EXOC6B: variants seen among roughly 807,000 people sequenced by gnomAD.
The protein encoded by EXOC6B is exocyst complex component 6B.
A neutral mutation model predicts 113.5 loss-of-function variants in EXOC6B; 54 were observed. The ratio of observed to expected loss-of-function variants is 0.48; its 90% CI spans 0.38 to 0.60. EXOC6B has a LOEUF of 0.60. Among genes scored for constraint, EXOC6B ranks in the 20% least tolerant of loss-of-function variants. The pLI is 0.00. For missense variants in EXOC6B, 797 were observed against 977.5 expected, an observed-to-expected ratio of 0.82 and a Z score of 2.46; for synonymous variants, 357 against 339.0, an observed-to-expected ratio of 1.05 and a Z score of -0.58.
At chr2:72,675,999 C>T (rs1676276228) in intron 6 of EXOC6B, among the ~76,000 whole-genome samples, 1 of 151,914 alleles carries the variant, frequency 6.6e-6, no homozygotes, top group South Asian at 2.1e-4. Context: ...ACAGACACCC[C>T]TTCACTGACT....
intron 18 of EXOC6B, among the ~76,000 whole-genome samples, chr2:72,456,203 A>T (rs1697223036): frequency 6.6e-6 from 1 of 152,178 alleles, no homozygotes; most frequent in South Asian, 2.1e-4. Context: ...TGAAAACAAT[A>T]CTCTTTCTTA....
intron 19 of EXOC6B, among the ~76,000 whole-genome samples, chr2:72,367,698 G>A (rs371823654): frequency 2.6e-5 from 4 of 152,182 alleles, no homozygotes; most frequent in African/African-American, 9.7e-5. Flanking sequence ...CCTGGCAGTG[G>A]TTGAACGGCC....
intron 20 of EXOC6B, among the ~76,000 whole-genome samples, chr2:72,232,509 A>G (rs953613655): frequency 6.6e-6 from 1 of 152,216 alleles, no homozygotes; most frequent in African/African-American, 2.4e-5. Context: ...AAAGATAAAA[A>G]TACCAGATGT....
chr2:72,823,933 T>C (rs1297653480), intron 1 of EXOC6B, among the ~76,000 whole-genome samples: 1 of 152,190 alleles, frequency 6.6e-6, no homozygotes, highest in Non-Finnish European at 1.5e-5. Context: ...ATTTGAAGTA[T>C]ACAGGAAAAT....
At position 72,225,268 on chromosome 2, in the gene EXOC6B, A is replaced by C. The variant is rs113222802; in HGVS notation, c.2197-41081T>G. ...AAGAAAGTTTGAGAAATGGCAATAT[A>C]AATATCAATAACAAGTCTAACAACA... is the stretch of plus-strand genomic sequence containing the variant. On this transcript the variant is annotated intron_variant, in intron 20 of 21. Transcript: ENST00000272427. 3.3e-5 allele frequency among the ~76,000 whole-genome samples: 5 copies of C among 152,358 alleles called. 1 individual carries two copies. Among genetic ancestry groups the C allele is most frequent in the African/African-American group, 1.2e-4 (5 of 41,590 alleles).
chr2:72,717,806 C>T (rs1679722905), intron 6 of EXOC6B, among the ~76,000 whole-genome samples: 1 of 152,108 alleles, frequency 6.6e-6, no homozygotes, highest in South Asian at 2.1e-4. Flanking sequence ...TCTTAAGCTA[C>T]AAATTATATG....
chr2:72,691,160 G>T (rs1329229035), intron 6 of EXOC6B, among the ~76,000 whole-genome samples: 3 of 152,014 alleles, frequency 2.0e-5, no homozygotes, highest in East Asian at 3.9e-4. Context: ...CAAGGAAAAT[G>T]CTGTGTGATG....
chr2:72,657,567 C>CTTTTTTTTTTTTTTTTT lies in EXOC6B; in HGVS notation c.669+60519_669+60535dup, dbSNP rs70963136. The stretch of plus-strand genomic sequence containing the variant: ...TATTAGGTCTTTCCTCTTTCCTTTT[C>CTTTTTTTTTTTTTTTTT]TTTTTTTTTTTTTTTTTTTTTTTTT... On this transcript the variant is annotated intron_variant, in intron 6 of 21. Coordinates refer to ENST00000272427, the MANE Select transcript of EXOC6B (RefSeq NM_015189.3). Among the ~76,000 whole-genome samples the CTTTTTTTTTTTTTTTTT allele has an allele frequency of 1.2e-3, 60 of 50,378 alleles. 2 individuals are homozygous for CTTTTTTTTTTTTTTTTT. Among genetic ancestry groups the CTTTTTTTTTTTTTTTTT allele is most frequent in the African/African-American group, 2.2e-3 (23 of 10,460 alleles). The allele number at this position is 50,378 out of a possible 152,430, so 33.0% of individuals were successfully genotyped here.
intron 6 of EXOC6B, among the ~76,000 whole-genome samples, chr2:72,659,201 T>C (rs1275122501): frequency 2.0e-5 from 3 of 152,110 alleles, no homozygotes; most frequent in African/African-American, 7.2e-5. Flanking sequence ...CAGCCTAAAA[T>C]GAGATATTAT....
At chr2:72,770,031 C>A (rs1304063245) in intron 1 of EXOC6B, among the ~76,000 whole-genome samples, 1 of 151,954 alleles carries the variant, frequency 6.6e-6, no homozygotes, top group Non-Finnish European at 1.5e-5. Flanking sequence ...GTCTATAGAG[C>A]TAAAATTTGA....
At chr2:72,535,006 C>T (rs997022287) in intron 8 of EXOC6B, among the ~76,000 whole-genome samples, 1 of 152,128 alleles carries the variant, frequency 6.6e-6, no homozygotes, top group Admixed American at 6.5e-5. Flanking sequence ...TTTCAGGAAA[C>T]CTCCATCAAA....
chr2:72,434,810 G>T (rs748650706), intron 18 of EXOC6B, among the ~76,000 whole-genome samples: 1 of 151,792 alleles, frequency 6.6e-6, no homozygotes, highest in Non-Finnish European at 1.5e-5. Context: ...TTCTTTATTA[G>T]TCTGGCTAGC....
At chr2:72,485,712 A>G (rs1343238727) in intron 16 of EXOC6B, among the ~76,000 whole-genome samples, 1 of 152,222 alleles carries the variant, frequency 6.6e-6, no homozygotes, top group Non-Finnish European at 1.5e-5. Flanking sequence ...TTCTGTTAAC[A>G]AGAGAGAGGG....
intron 1 of EXOC6B, among the ~76,000 whole-genome samples, chr2:72,793,211 G>A (rs1272655373): frequency 1.4e-5 from 2 of 143,318 alleles, no homozygotes; most frequent in African/African-American, 5.2e-5. Context: ...TAGGGTAGTA[G>A]TCTTCAAACA....
At chr2:72,421,421 G>C (rs1161892906) in intron 18 of EXOC6B, among the ~76,000 whole-genome samples, 1 of 151,838 alleles carries the variant, frequency 6.6e-6, no homozygotes, top group African/African-American at 2.4e-5. Flanking sequence ...ATTCCTTTTT[G>C]TCACATTCTA....
chr2:72,629,490 T>C (rs1672257957), intron 6 of EXOC6B, among the ~76,000 whole-genome samples: 1 of 152,376 alleles, frequency 6.6e-6, no homozygotes, highest in Non-Finnish European at 1.5e-5. Context: ...ATCTTGTTTC[T>C]GTTATTTATC....
chr2:72,783,682 T>C (rs1282356010), intron 1 of EXOC6B, among the ~76,000 whole-genome samples: 8 of 152,180 alleles, frequency 5.3e-5, no homozygotes, highest in Non-Finnish European at 1.2e-4. Flanking sequence ...TTGCCCACTT[T>C]TTAATGAGAA....
intron 6 of EXOC6B, among the ~76,000 whole-genome samples, chr2:72,628,344 G>T (rs1212777194): frequency 1.3e-5 from 2 of 151,972 alleles, no homozygotes; most frequent in Non-Finnish European, 2.9e-5. Context: ...GCTCATACTG[G>T]TCTCGAACTC....
At chr2:72,808,137 C>A (rs1176261908) in intron 1 of EXOC6B, among the ~76,000 whole-genome samples, 1 of 151,740 alleles carries the variant, frequency 6.6e-6, no homozygotes, top group Non-Finnish European at 1.5e-5. Context: ...ACAACAACAA[C>A]AAAACAGGAA....
Sources: gnomAD v4.1 joint callset for allele counts (sites outside exome capture counted in the v4.1 genomes callset) on GRCh38, gnomAD v4.1.1 for gene constraint, MANE v1.5 for transcripts, NCBI Gene and HGNC (gene_info 2026-07-23, HGNC 2026-07-21) for gene names.